The following THSD7A variants were observed in gnomAD, a reference collection of about 807,000 sequenced individuals.
The protein encoded by THSD7A is thrombospondin type 1 domain containing 7A, also known as thrombospondin type-1 domain-containing protein 7A.
THSD7A carries 96 observed loss-of-function variants against 231.3 expected under a neutral mutation model. That is an observed-to-expected ratio of 0.41 (90% CI 0.35 to 0.49). The LOEUF (loss-of-function observed/expected upper bound fraction) is 0.49, where lower values mean the gene tolerates loss of function less well. THSD7A is among the 20% of genes least tolerant of loss of function. The pLI is 0.05. For synonymous variants in THSD7A, 940 were observed against 743.3 expected (o/e 1.26, Z -4.30); for missense variants, 2,290 against 2,070.2 (o/e 1.11, Z -2.06).
chr7:11,592,573 T>C (rs957879665), intron 3 of THSD7A, among the ~76,000 whole-genome samples: 1 of 152,206 alleles, frequency 6.6e-6, no homozygotes, highest in Non-Finnish European at 1.5e-5. Flanking sequence ...TGAATATTTA[T>C]TGAACACATA....
Position 11,468,258 on chromosome 7 carries a change from T to C in THSD7A, c.2368+1621A>G, listed in dbSNP as rs140336373. 9.3e-3 allele frequency among the ~76,000 whole-genome samples: 1,416 copies of C among 152,238 alleles called. 19 individuals carry two copies. The highest frequency in any genetic ancestry group is 0.032 in the African/African-American group (1,340 of 41,560). ...AAAATTTGTAAGTGTATTAATTCTATGTAATTAATGCTTTTTAATTGAATT... is the reference window on the plus strand; with the variant it reads ...AAAATTTGTAAGTGTATTAATTCTACGTAATTAATGCTTTTTAATTGAATT... On this transcript the variant is annotated intron_variant, in intron 9 of 27. Coordinates refer to ENST00000423059, the MANE Select transcript of THSD7A (RefSeq NM_015204.3).
intron 1 of THSD7A, among the ~76,000 whole-genome samples, chr7:11,793,089 G>T (rs918607595): frequency 2.6e-5 from 4 of 151,900 alleles, no homozygotes; most frequent in South Asian, 4.2e-4. Flanking sequence ...ATGAATATAG[G>T]AATTAGATGG....
chr7:11,476,322 C>T (rs1399488567), intron 7 of THSD7A, among the ~76,000 whole-genome samples: 7 of 113,878 alleles, frequency 6.1e-5, no homozygotes, highest in Non-Finnish European at 1.0e-4. Context: ...GGAAGATACA[C>T]ACACACACAC....
intron 2 of THSD7A, among the ~76,000 whole-genome samples, chr7:11,631,662 A>C (rs940330796): frequency 6.6e-6 from 1 of 152,202 alleles, no homozygotes; most frequent in Non-Finnish European, 1.5e-5. Flanking sequence ...AGCAGAAAAA[A>C]AAACAAACAC....
chr7:11,685,274 C>CA lies in THSD7A; in HGVS notation c.191-48314dup, dbSNP rs200179876. ...AAGACCTCAAACTATAAAAATCCTA[C>CA]AAAAAAAAACTAGGAAGTACTCTTC... On this transcript the variant is annotated intron_variant, in intron 1 of 27. Coordinates refer to ENST00000423059, the MANE Select transcript of THSD7A (RefSeq NM_015204.3). 1.4e-3 allele frequency among the ~76,000 whole-genome samples: 206 copies of CA among 150,112 alleles called. 1 individual carries two copies. The highest frequency in any genetic ancestry group is 1.9e-3 in the African/African-American group (78 of 41,068).
chr7:11,538,739 ACT>A (rs1161555847), intron 6 of THSD7A, among the ~76,000 whole-genome samples: 1 of 151,782 alleles, frequency 6.6e-6, no homozygotes, highest in Non-Finnish European at 1.5e-5. Flanking sequence ...TTGTCTTGCG[ACT>A]CTCTTACATC....
chr7:11,372,215 C>G lies in THSD7A; in HGVS notation c.*3579G>C, dbSNP rs1329096428. ...TACATTACGTAGGGGAAAATACTAA[C>G]CCCATCTAAAAACAAACCTAGAGTA... On this transcript the variant is annotated 3_prime_UTR_variant, in exon 28 of 28. Coordinates refer to ENST00000423059, the MANE Select transcript of THSD7A (RefSeq NM_015204.3). The G allele has an allele frequency of 6.6e-6, 1 of 152,006 alleles. No homozygotes were observed. The highest frequency in any genetic ancestry group is 1.5e-5 in the Non-Finnish European group (1 of 67,984). The allele number at this position is 152,006 out of a possible 1,614,324, so 9.4% of individuals were successfully genotyped here. A position where few individuals can be genotyped will look rare whatever the true frequency, so the allele number is the denominator to read the frequency against.
At chr7:11,681,463 C>G (rs1022450580) in intron 1 of THSD7A, among the ~76,000 whole-genome samples, 1 of 151,994 alleles carries the variant, frequency 6.6e-6, no homozygotes, top group African/African-American at 2.4e-5. Context: ...CAGAATACAG[C>G]TGGAAGCCCC....
At chr7:11,667,685 G>A (rs1352974169) in intron 1 of THSD7A, among the ~76,000 whole-genome samples, 1 of 151,998 alleles carries the variant, frequency 6.6e-6, no homozygotes, top group Non-Finnish European at 1.5e-5. Flanking sequence ...ACATGTTAAT[G>A]GCTAGACAAA....
At chr7:11,751,791 T>C (rs919723575) in intron 1 of THSD7A, among the ~76,000 whole-genome samples, 1 of 152,066 alleles carries the variant, frequency 6.6e-6, no homozygotes, top group Non-Finnish European at 1.5e-5. Context: ...GGTCAATTTC[T>C]GACCCAGGAT....
intron 1 of THSD7A, among the ~76,000 whole-genome samples, chr7:11,731,533 G>C (rs1781733789): frequency 6.6e-6 from 1 of 151,574 alleles, no homozygotes; most frequent in African/African-American, 2.4e-5. Context: ...TCAATTGCTT[G>C]AGTTCAAAAA....
intron 11 of THSD7A, among the ~76,000 whole-genome samples, chr7:11,456,993 A>G (rs1378132936): frequency 1.3e-5 from 2 of 152,156 alleles, no homozygotes; most frequent in East Asian, 3.8e-4. Context: ...ATAACATTTA[A>G]GTTAAATTCT....
intron 11 of THSD7A, among the ~76,000 whole-genome samples, chr7:11,450,410 G>A (rs1785107434): frequency 6.6e-6 from 1 of 151,828 alleles, no homozygotes; most frequent in East Asian, 1.9e-4. Flanking sequence ...TGTACTTTTG[G>A]AATAAATTAC....
intron 13 of THSD7A, among the ~76,000 whole-genome samples, chr7:11,433,101 G>C (rs1273395065): frequency 6.6e-6 from 1 of 151,910 alleles, no homozygotes; most frequent in East Asian, 1.9e-4. Flanking sequence ...GATGACTTTT[G>C]GAGTATCGAT....
At chr7:11,452,539 G>A (rs1319057037) in intron 11 of THSD7A, among the ~76,000 whole-genome samples, 2 of 151,974 alleles carry the variant, frequency 1.3e-5, no homozygotes. Context: ...TATAATATAT[G>A]TGAGAATACT....
chr7:11,440,598 G>T (rs1478126709), intron 13 of THSD7A, among the ~76,000 whole-genome samples: 1 of 152,010 alleles, frequency 6.6e-6, no homozygotes, highest in Non-Finnish European at 1.5e-5. Flanking sequence ...CTTTGAGGGG[G>T]TTCAAGACTT....
intron 6 of THSD7A, among the ~76,000 whole-genome samples, chr7:11,538,883 G>A (rs1489808614): frequency 6.6e-6 from 1 of 152,122 alleles, no homozygotes; most frequent in Non-Finnish European, 1.5e-5. Context: ...TGATCACTGG[G>A]AGTCTGGACA....
chr7:11,621,105 A>G (rs1182658561), intron 2 of THSD7A, among the ~76,000 whole-genome samples: 1 of 152,202 alleles, frequency 6.6e-6, no homozygotes, highest in African/African-American at 2.4e-5. Flanking sequence ...TCTGTTTCAC[A>G]ACACATTGCT....
At position 11,462,038 on chromosome 7, in the gene THSD7A, T is replaced by C; in HGVS notation, c.2474A>G (p.Glu825Gly). The C allele has an allele frequency of 2.5e-6, 4 of 1,613,762 alleles. No individual in the cohort carries two copies. Among genetic ancestry groups the C allele is most frequent in the Middle Eastern group, 1.7e-4 (1 of 6,052 alleles). ...GTAGCTTTGGCACGCTTGAGGTGCC[T>C]CACAGGCCTTCTCTTCATAGAGGGG... is the stretch of plus-strand genomic sequence containing the variant. ...TDPLYEEKAC[E>G]APQACQSYRW... is the part of the protein sequence containing the mutation. Residue 825 changes from glutamate (E) to glycine (G), a missense_variant, in exon 10 of 28, where the codon GAG (glutamate) becomes GGG (glycine). By Grantham distance (98) the Glu-to-Gly change is moderately conservative. Coordinates refer to ENST00000423059, the MANE Select transcript of THSD7A (RefSeq NM_015204.3).
Sources: allele counts gnomAD v4.1 joint callset (sites outside exome capture counted in the v4.1 genomes callset), GRCh38; gene constraint gnomAD v4.1.1; transcripts MANE v1.5; gene names NCBI Gene and HGNC (gene_info 2026-07-23, HGNC 2026-07-21).